The following NR1D2 variants were observed in gnomAD, a reference collection of about 807,000 sequenced individuals.
The protein encoded by NR1D2 is V-erbA-related protein 1-related.
In NR1D2, 25 loss-of-function variants were observed where a neutral mutation model predicts 52.2. That is an observed-to-expected ratio of 0.48 (90% CI 0.35 to 0.67). The LOEUF (loss-of-function observed/expected upper bound fraction) is 0.67. NR1D2 is among the 30% of genes least tolerant of loss of function. NR1D2 has a pLI of 0.01. For synonymous variants in NR1D2, 259 were observed against 230.1 expected (o/e 1.13, Z -1.14); for missense variants, 681 against 707.2 (o/e 0.96, Z 0.42).
intron 1 of NR1D2, among the ~76,000 whole-genome samples, chr3:23,953,533 AG>A (rs1011595273): frequency 6.6e-6 from 1 of 152,132 alleles, no homozygotes; most frequent in African/African-American, 2.4e-5. Context: ...CAGAAGAACA[AG>A]TAGTGAGTCT....
chr3:23,980,050 ATGAAGCTTGTCCTTATGG>A lies in NR1D2; in HGVS notation c.*2635_*2652del, dbSNP rs1471103970. ...AGGGGAAAAGGGGGAACATCTTGGG[ATGAAGCTTGTCCTTATGG>A]TGATGGTTTAATTACAGATTAAAAA... On this transcript the variant is annotated 3_prime_UTR_variant, in exon 8 of 8. Transcript: ENST00000312521. The A allele has an allele frequency of 6.6e-6, 1 of 152,140 alleles. No homozygotes were observed. The highest frequency in any genetic ancestry group is 1.5e-5 in the Non-Finnish European group (1 of 67,972). The allele number at this position is 152,140 out of a possible 1,614,324, so 9.4% of individuals were successfully genotyped here.
chr3:23,947,899 C>T (rs1705801314), intron 1 of NR1D2, among the ~76,000 whole-genome samples: 1 of 152,056 alleles, frequency 6.6e-6, no homozygotes, highest in African/African-American at 2.4e-5. Flanking sequence ...GGGCGGATCC[C>T]CTGAGGTAAG....
At chr3:23,975,474 A>G (rs1706699575) in intron 7 of NR1D2, among the ~76,000 whole-genome samples, 2 of 152,170 alleles carry the variant, frequency 1.3e-5, no homozygotes, top group Non-Finnish European at 2.9e-5. Context: ...AAATTTTGTT[A>G]AATATGAGAT....
chr3:23,949,171 G>T (rs1328364481), intron 1 of NR1D2, among the ~76,000 whole-genome samples: 1 of 152,128 alleles, frequency 6.6e-6, no homozygotes, highest in African/African-American at 2.4e-5. Flanking sequence ...TTCGAGACCA[G>T]CCTGGCTAAC....
At position 23,962,576 on chromosome 3, in the gene NR1D2, C is replaced by A; in HGVS notation, c.1117C>A (p.Leu373Met). 1 of 1,606,468 alleles carries A rather than the reference C, an allele frequency of 6.2e-7. No homozygotes were observed. Among genetic ancestry groups the A allele is most frequent in the Non-Finnish European group, 8.5e-7 (1 of 1,174,124 alleles). Reference protein sequence around the residue: ...FSQNENKNSYLCNTGGRMHLV... With the variant: ...FSQNENKNSYMCNTGGRMHLV... Reference sequence around the variant, plus strand: ...TCAGAATGAGAACAAGAATAGTTACCTGTGCAACACTGGAGGAAGAATGCA... The same window carrying A: ...TCAGAATGAGAACAAGAATAGTTACATGTGCAACACTGGAGGAAGAATGCA... Residue 373 changes from leucine to methionine, a missense_variant, in exon 5 of 8, where the codon CTG (leucine) becomes ATG (methionine). Around this residue, in one of 3 missense-constraint regions of NR1D2, gnomAD observed 475 missense variants for 454.5 expected, o/e 1.05. Transcript: ENST00000312521.
chr3:23,968,505 G>A (rs926366923), intron 7 of NR1D2, among the ~76,000 whole-genome samples: 2 of 152,192 alleles, frequency 1.3e-5, no homozygotes, highest in Admixed American at 1.3e-4. Context: ...GGTAACTTGG[G>A]TAAGTAACTT....
Position 23,977,937 on chromosome 3 carries a change from C to A in NR1D2, c.*518C>A, listed in dbSNP as rs571857635. 1 of 152,264 alleles carries A rather than the reference C, an allele frequency of 6.6e-6. No homozygotes were observed. The highest frequency in any genetic ancestry group is 2.4e-5 in the African/African-American group (1 of 41,570). 9.4% of individuals were successfully genotyped at this position (152,264 alleles called of 1,614,324 possible). On this transcript the variant is annotated 3_prime_UTR_variant, in exon 8 of 8. Coordinates refer to ENST00000312521, the MANE Select transcript of NR1D2 (RefSeq NM_005126.5). ...TGTGTGGTCCTGGGTAGTTTACTTG[C>A]TTGCGGAAAATGAGAATTGATGGTG... is the stretch of plus-strand genomic sequence containing the variant.
chr3:23,965,193 A>C (rs1706405975), intron 6 of NR1D2, 31 bp downstream of exon 6: 1 of 1,370,390 alleles, frequency 7.3e-7, no homozygotes, highest in Admixed American at 2.3e-5. Context: ...ATATTGATGC[A>C]GGCAGGGCAT....
rs1705618895 is a variant in NR1D2, at chr3:23,945,331, C to T, written c.-248C>T. The T allele has an allele frequency of 1.9e-5, 3 of 161,334 alleles. No homozygotes were observed. Among genetic ancestry groups the T allele is most frequent in the Non-Finnish European group, 4.0e-5 (3 of 74,716 alleles). The allele number at this position is 161,334 out of a possible 1,614,324, so 10.0% of individuals were successfully genotyped here. On this transcript the variant is annotated 5_prime_UTR_variant, in exon 1 of 8. Transcript: ENST00000312521. The stretch of plus-strand genomic sequence containing the variant: ...CGGTGCGCTGGCTGCAGGAAGCCGC[C>T]GCGCCGCCGCTTTTGTTGTCAGGGA...
intron 1 of NR1D2, among the ~76,000 whole-genome samples, chr3:23,947,039 C>T (rs908595411): frequency 1.3e-5 from 2 of 151,890 alleles, no homozygotes; most frequent in African/African-American, 4.8e-5. Context: ...TTTTTTTTAA[C>T]CTGTTGTCTC....
At chr3:23,957,702 C>A (rs1188275580) in intron 3 of NR1D2, among the ~76,000 whole-genome samples, 1 of 150,016 alleles carries the variant, frequency 6.7e-6, no homozygotes, top group Non-Finnish European at 1.5e-5. Context: ...CAAGCCTGGG[C>A]GACAGAGCCA....
At chr3:23,957,390 C>CTTTTTTTTTT (rs201651739) in intron 3 of NR1D2, among the ~76,000 whole-genome samples, 1 of 110,560 alleles carries the variant, frequency 9.0e-6, no homozygotes, top group African/African-American at 3.6e-5. Context: ...CTCTATATAT[C>CTTTTTTTTTT]TTTTTTTTTT....
chr3:23,956,123 A>G lies in NR1D2; in HGVS notation c.370A>G (p.Lys124Glu). ...HYGVHACEGC[K>E]GFFRRSIQQN... ...TGGAGTTCATGCTTGCGAAGGCTGT[A>G]AGGTAAAGCATGCTTTTGTTTCTTT... Residue 124 changes from lysine (K) to glutamate (E), a missense_variant and splice_region_variant, in exon 3 of 8, where the codon AAG becomes GAG. Transcript: ENST00000312521. 6.2e-7 allele frequency: 1 copy of G among 1,611,342 alleles called. No homozygotes were observed. The highest frequency in any genetic ancestry group is 8.5e-7 in the Non-Finnish European group (1 of 1,177,570).
At chr3:23,963,790 G>T (rs767979723) in intron 5 of NR1D2, among the ~76,000 whole-genome samples, 21 of 151,964 alleles carry the variant, frequency 1.4e-4, no homozygotes, top group Admixed American at 6.6e-4. Context: ...GGGCATTTTG[G>T]TTCTGATTTC....
At position 23,980,005 on chromosome 3, in the gene NR1D2, C is replaced by T. The variant is rs982003137; in HGVS notation, c.*2586C>T. Reference sequence around the variant, plus strand: ...TCTTTACATGATCTGAGAGAGGATTCAAGTTGATAGAAATAGCTGAGGGGA... The same window carrying T: ...TCTTTACATGATCTGAGAGAGGATTTAAGTTGATAGAAATAGCTGAGGGGA... On this transcript the variant is annotated 3_prime_UTR_variant, in exon 8 of 8. Transcript: ENST00000312521. 1.3e-5 allele frequency: 2 copies of T among 151,934 alleles called. No homozygotes were observed. Among genetic ancestry groups the T allele is most frequent in the Admixed American group, 6.6e-5 (1 of 15,260 alleles). The allele number at this position is 151,934 out of a possible 1,614,324, so 9.4% of individuals were successfully genotyped here. A position where few individuals can be genotyped will look rare whatever the true frequency, so the allele number is the denominator to read the frequency against.
chr3:23,969,376 T>G (rs181229688), intron 7 of NR1D2, among the ~76,000 whole-genome samples: 1 of 152,314 alleles, frequency 6.6e-6, no homozygotes, highest in East Asian at 1.9e-4. Flanking sequence ...GACTTGCCAT[T>G]TGGTAACATA....
intron 2 of NR1D2, 89 bp from the exon 3 acceptor site, chr3:23,955,948 C>T (rs1356248373): frequency 3.5e-6 from 3 of 859,450 alleles, no homozygotes; most frequent in Non-Finnish European, 5.8e-6. Context: ...AAAGCTCTTA[C>T]ACGTTGAATG....
intron 1 of NR1D2, among the ~76,000 whole-genome samples, chr3:23,954,053 T>G (rs916401271): frequency 1.3e-5 from 2 of 152,204 alleles, no homozygotes; most frequent in Admixed American, 1.3e-4. Context: ...CAGGCTAGAG[T>G]GCAGTAGCAT....
At chr3:23,949,577 C>A (rs1022984649) in intron 1 of NR1D2, among the ~76,000 whole-genome samples, 2 of 152,146 alleles carry the variant, frequency 1.3e-5, no homozygotes, top group Non-Finnish European at 2.9e-5. Context: ...TAGGTGTTTC[C>A]CCAGTTGGCC....
Sources: allele counts gnomAD v4.1 joint callset (sites outside exome capture counted in the v4.1 genomes callset), GRCh38; gene constraint gnomAD v4.1.1; regional missense constraint gnomAD v4.1.1; transcripts MANE v1.5; gene names NCBI Gene and HGNC (gene_info 2026-07-23, HGNC 2026-07-21).